MYEF2: variants seen among roughly 807,000 people sequenced by gnomAD.
MYEF2 encodes the protein myelin expression factor 2, also known as myelin gene expression factor 2.
A neutral mutation model predicts 75.2 loss-of-function variants in MYEF2; 37 were observed. The ratio of observed to expected loss-of-function variants is 0.49; its 90% CI spans 0.38 to 0.65. The LOEUF (loss-of-function observed/expected upper bound fraction) is 0.65. Among genes scored for constraint, MYEF2 ranks in the 30% least tolerant of loss-of-function variants. The pLI is 0.00. For synonymous variants in MYEF2, 195 were observed against 241.6 expected, an observed-to-expected ratio of 0.81 and a Z score of 1.79; for missense variants, 634 against 771.4, an observed-to-expected ratio of 0.82 and a Z score of 2.11.
Position 48,178,221 on chromosome 15 carries a change from T to A in MYEF2, c.17A>T (p.Lys6Met). MADAN[K>M]AEVPGATGGD... is the part of the protein sequence containing the mutation. The stretch of plus-strand genomic sequence containing the variant: ...ACCAGTGGCCCCGGGCACCTCGGCC[T>A]TGTTGGCGTCCGCCATCCCGCCGCC... Residue 6 changes from lysine (K) to methionine (M), a missense_variant, in exon 1 of 17, where the codon AAG becomes ATG. Transcript: ENST00000324324. 7.0e-7 allele frequency: 1 copy of A among 1,425,744 alleles called. No homozygotes were observed. The allele number at this position is 1,425,744 out of a possible 1,614,324, so 88.3% of individuals were successfully genotyped here.
rs201353600 is a variant in MYEF2, at chr15:48,141,129, T to G, written c.*1779A>C. On this transcript the variant is annotated 3_prime_UTR_variant, in exon 17 of 17. Transcript: ENST00000324324. ...TTATTACAGGGGAAACACTAGAAAT[T>G]CCCGATACAGTAATGGGCCTTACTT... The G allele has an allele frequency of 6.2e-7, 1 of 1,613,218 alleles. No individual in the cohort carries two copies. Among genetic ancestry groups the G allele is most frequent in the East Asian group, 2.2e-5 (1 of 44,854 alleles).
At chr15:48,162,580 T>C (rs1372972242) in intron 5 of MYEF2, 3 of 152,224 alleles carry the variant, frequency 2.0e-5, no homozygotes, top group Admixed American at 6.5e-5. Flanking sequence ...TTCACTTTAC[T>C]GTGCTTTGCA....
In MYEF2 at chr15:48,141,023, T is replaced by C; in HGVS notation, c.*1885A>G. 3 of 1,046,532 alleles carry C rather than the reference T, an allele frequency of 2.9e-6. No homozygotes were observed. Among genetic ancestry groups the C allele is most frequent in the Non-Finnish European group, 4.3e-6 (3 of 697,194 alleles). 64.8% of individuals were successfully genotyped at this position (1,046,532 alleles called of 1,614,324 possible). A position where few individuals can be genotyped will look rare whatever the true frequency, so the allele number is the denominator to read the frequency against. On this transcript the variant is annotated 3_prime_UTR_variant, in exon 17 of 17. Coordinates refer to ENST00000324324, the MANE Select transcript of MYEF2 (RefSeq NM_016132.5). ...TGAATTCTAAATGTGCCTATTTTATTTTTGTTCACGAAGGAAATATCCAAA... is the reference window on the plus strand; with the variant it reads ...TGAATTCTAAATGTGCCTATTTTATCTTTGTTCACGAAGGAAATATCCAAA...
rs2039061962 is a variant in MYEF2, at chr15:48,141,025, T to C, written c.*1883A>G. On this transcript the variant is annotated 3_prime_UTR_variant, in exon 17 of 17. Transcript: ENST00000324324. ...AATTCTAAATGTGCCTATTTTATTT[T>C]TGTTCACGAAGGAAATATCCAAAAT... 2 of 1,059,606 alleles carry C rather than the reference T, an allele frequency of 1.9e-6. No individual in the cohort carries two copies. The highest frequency in any genetic ancestry group is 3.2e-5 in the African/African-American group (2 of 62,744). The allele number at this position is 1,059,606 out of a possible 1,614,324, so 65.6% of individuals were successfully genotyped here.
intron 1 of MYEF2, among the ~76,000 whole-genome samples, chr15:48,171,540 TACTGCTAA>T (rs1567275425): frequency 9.9e-5 from 15 of 151,990 alleles, no homozygotes; most frequent in Non-Finnish European, 2.2e-4. Context: ...ATCTTAAAAA[TACTGCTAA>T]ACTGCTCATC....
At chr15:48,165,896 A>G (rs770919588) in intron 5 of MYEF2, 37 bp downstream of exon 5, 22 of 1,378,236 alleles carry the variant, frequency 1.6e-5, no homozygotes, top group South Asian at 4.0e-5. Flanking sequence ...ATGTCTTTAT[A>G]GTCAAATGTT....
intron 16 of MYEF2, among the ~76,000 whole-genome samples, chr15:48,148,492 G>C (rs1295405740): frequency 1.3e-5 from 2 of 151,996 alleles, no homozygotes; most frequent in Non-Finnish European, 2.9e-5. Flanking sequence ...ATGTACCCAT[G>C]TCCAAGGCAT....
chr15:48,148,976 A>G (rs1377783656), intron 16 of MYEF2, 56 bp downstream of exon 16: 1 of 1,589,524 alleles, frequency 6.3e-7, no homozygotes. Flanking sequence ...AAAAGTTTAA[A>G]ACCAATTTTC....
intron 12 of MYEF2, 125 bp from the exon 13 acceptor site, chr15:48,151,696 C>T (rs934933619): frequency 8.5e-7 from 1 of 1,173,278 alleles, no homozygotes; most frequent in African/African-American, 1.5e-5. Context: ...TGTCATTTAC[C>T]CAATTTACCT....
At position 48,139,033 on chromosome 15, in the gene MYEF2, T is replaced by C; in HGVS notation, c.*3875A>G. ...AAAGAATTTTTTGGGTATTATCCCT[T>C]CCTATTATTACATTACTTTTTCTAA... On this transcript the variant is annotated 3_prime_UTR_variant, in exon 17 of 17. Transcript: ENST00000324324. 6.2e-7 allele frequency: 1 copy of C among 1,613,166 alleles called. No individual in the cohort carries two copies. Among genetic ancestry groups the C allele is most frequent in the Non-Finnish European group, 8.5e-7 (1 of 1,179,352 alleles).
chr15:48,141,190 GC>G lies in MYEF2; in HGVS notation c.*1717del. ...AGGAACAAGCATACCAGACACAATT[GC>G]AAGTGTGTTGGTTGCAAGAAAAGGT... On this transcript the variant is annotated 3_prime_UTR_variant, in exon 17 of 17. Coordinates refer to ENST00000324324, the MANE Select transcript of MYEF2 (RefSeq NM_016132.5). The G allele has an allele frequency of 6.2e-7, 1 of 1,613,758 alleles. No individual in the cohort carries two copies. The highest frequency in any genetic ancestry group is 1.1e-5 in the South Asian group (1 of 91,080).
rs2039594302 is a variant in MYEF2, at chr15:48,154,064, C to T, written c.986-171G>A. The T allele has an allele frequency of 2.7e-5, 14 of 514,772 alleles. No individual in the cohort carries two copies. The East Asian group carries it at 2.7e-4, about 10-fold the overall frequency. 31.9% of individuals were successfully genotyped at this position (514,772 alleles called of 1,614,324 possible). On this transcript the variant is annotated intron_variant, in intron 9 of 16. Coordinates refer to ENST00000324324, the MANE Select transcript of MYEF2 (RefSeq NM_016132.5). ...GTCTAGAAAGTAGCACACTGAAGCC[C>T]GACTATAAAACCATTTATTAATGAG...
chr15:48,138,834 A>C lies in MYEF2; in HGVS notation c.*4074T>G. The C allele has an allele frequency of 1.6e-6, 1 of 640,062 alleles. No homozygotes were observed. The highest frequency in any genetic ancestry group is 2.7e-6 in the Non-Finnish European group (1 of 363,972). 39.6% of individuals were successfully genotyped at this position (640,062 alleles called of 1,614,324 possible). A position where few individuals can be genotyped will look rare whatever the true frequency, so the allele number is the denominator to read the frequency against. On this transcript the variant is annotated 3_prime_UTR_variant, in exon 17 of 17. Transcript: ENST00000324324. ...CTTTTCACCAGCAATATCAGTAATGAGGTACTCAAATGTTTTAAACAGCCT... is the reference window on the plus strand; with the variant it reads ...CTTTTCACCAGCAATATCAGTAATGCGGTACTCAAATGTTTTAAACAGCCT...
intron 3 of MYEF2, 78 bp downstream of exon 3, chr15:48,167,271 C>A (rs946552313): frequency 1.4e-6 from 2 of 1,415,276 alleles, no homozygotes; most frequent in African/African-American, 2.9e-5. Flanking sequence ...TTTCCAAAAA[C>A]TGGTACAAGT....
Position 48,136,281 on chromosome 15 carries a change from T to C in MYEF2, c.*6627A>G, listed in dbSNP as rs2038897071. The stretch of plus-strand genomic sequence containing the variant: ...TAACTTAACAGTTACTATATTATTT[T>C]ATAATTATTATGTATGTTGGGGAAT... On this transcript the variant is annotated 3_prime_UTR_variant, in exon 17 of 17. Transcript: ENST00000324324. 1 of 153,656 alleles carries C rather than the reference T, an allele frequency of 6.5e-6. No homozygotes were observed. The highest frequency in any genetic ancestry group is 2.1e-4 in the South Asian group (1 of 4,860). 9.5% of individuals were successfully genotyped at this position (153,656 alleles called of 1,614,324 possible). A position where few individuals can be genotyped will look rare whatever the true frequency, so the allele number is the denominator to read the frequency against.
chr15:48,164,119 A>G (rs926423906), intron 5 of MYEF2, among the ~76,000 whole-genome samples: 3 of 152,222 alleles, frequency 2.0e-5, no homozygotes, highest in African/African-American at 7.2e-5. Flanking sequence ...TTCCTCTGAT[A>G]GACCTGGGCA....
In MYEF2 at chr15:48,143,369, C is replaced by A. The variant is rs2039156623; in HGVS notation, c.1640-298G>T. 3.3e-5 allele frequency among the ~76,000 whole-genome samples: 5 copies of A among 151,958 alleles called. No homozygotes were observed. The South Asian group carries it at 1.0e-3, about 31-fold the overall frequency. On this transcript the variant is annotated intron_variant, in intron 16 of 16. Transcript: ENST00000324324. The stretch of plus-strand genomic sequence containing the variant: ...TTAATTTTATAAGCAATAAGTCAAG[C>A]TAGCACAAAATGCCGCCAACTCACC...
intron 5 of MYEF2, 67 bp from the exon 6 acceptor site, chr15:48,159,871 A>G: frequency 6.8e-7 from 1 of 1,469,350 alleles, no homozygotes; most frequent in Non-Finnish European, 9.2e-7. Context: ...TAAAATAACA[A>G]TTTAAATTCT....
intron 9 of MYEF2, chr15:48,157,598 A>T (rs2039751987): frequency 6.6e-6 from 2 of 304,716 alleles, no homozygotes; most frequent in South Asian, 1.2e-4. Context: ...CTCTAATGTT[A>T]AACAAAAAAT....
Sources: gnomAD v4.1 joint callset for allele counts (sites outside exome capture counted in the v4.1 genomes callset) on GRCh38, gnomAD v4.1.1 for gene constraint, MANE v1.5 for transcripts, NCBI Gene and HGNC (gene_info 2026-07-23, HGNC 2026-07-21) for gene names.